The following ARSB variants were observed in gnomAD, a reference collection of about 807,000 sequenced individuals.
ARSB encodes arylsulfatase B.
ARSB carries 41 observed loss-of-function variants against 50.9 expected under a neutral mutation model. That is an observed-to-expected ratio of 0.81 (90% confidence interval 0.63 to 1.04). The LOEUF (loss-of-function observed/expected upper bound fraction) is 1.04. ARSB is among the 50% of genes least tolerant of loss of function. ARSB has a pLI of 0.00. For missense variants in ARSB, 672 were observed against 693.3 expected (o/e 0.97, Z 0.35); for synonymous variants, 269 against 284.8 (o/e 0.94, Z 0.56).
intron 4 of ARSB, among the ~76,000 whole-genome samples, chr5:78,953,332 A>G (rs1228903308): frequency 6.6e-6 from 1 of 152,246 alleles, no homozygotes; most frequent in African/African-American, 2.4e-5. Context: ...TAGTGGAGCC[A>G]GGCTCTGCCT....
At chr5:78,886,439 G>T (rs1748039888) in intron 4 of ARSB, among the ~76,000 whole-genome samples, 1 of 152,108 alleles carries the variant, frequency 6.6e-6, no homozygotes, top group Admixed American at 6.5e-5. Context: ...AAATATAATT[G>T]TGAAAAAAAT....
At chr5:78,980,615 G>C (rs1752858390) in intron 1 of ARSB, among the ~76,000 whole-genome samples, 1 of 152,196 alleles carries the variant, frequency 6.6e-6, no homozygotes. Context: ...CTGCAGATCA[G>C]TGTGAAGAGT....
intron 5 of ARSB, among the ~76,000 whole-genome samples, chr5:78,855,200 G>C (rs531516473): frequency 6.6e-6 from 1 of 152,324 alleles, no homozygotes; most frequent in African/African-American, 2.4e-5. Flanking sequence ...ATTCAGCTCA[G>C]CCAGGGTACA....
intron 6 of ARSB, among the ~76,000 whole-genome samples, chr5:78,793,936 G>A (rs1220299139): frequency 1.3e-5 from 2 of 152,038 alleles, no homozygotes; most frequent in Non-Finnish European, 2.9e-5. Flanking sequence ...TGTGCTGGGG[G>A]CAGCATGGGA....
chr5:78,904,410 T>C (rs548119076), intron 4 of ARSB, among the ~76,000 whole-genome samples: 19 of 152,238 alleles, frequency 1.2e-4, no homozygotes, highest in African/African-American at 3.1e-4. Context: ...TTTCAGCAGT[T>C]CCATTATGAT....
chr5:78,891,665 C>T (rs1489474912), intron 4 of ARSB, among the ~76,000 whole-genome samples: 1 of 152,110 alleles, frequency 6.6e-6, no homozygotes, highest in Non-Finnish European at 1.5e-5. Flanking sequence ...CAAGTGACCA[C>T]CAGAGAGATG....
intron 4 of ARSB, among the ~76,000 whole-genome samples, chr5:78,897,920 A>T (rs1748641566): frequency 6.6e-6 from 1 of 152,160 alleles, no homozygotes; most frequent in Non-Finnish European, 1.5e-5. Context: ...TCAGGAAAAA[A>T]TAGATAACGT....
intron 6 of ARSB, 146 bp from the exon 7 acceptor site, chr5:78,782,120 T>A: frequency 1.9e-6 from 2 of 1,045,070 alleles, no homozygotes; most frequent in Non-Finnish European, 2.8e-6. Flanking sequence ...AATCTTTTAT[T>A]AAATCCAAAC....
chr5:78,872,736 A>G (rs1488818953), intron 5 of ARSB, among the ~76,000 whole-genome samples: 2 of 149,370 alleles, frequency 1.3e-5, no homozygotes, highest in African/African-American at 4.9e-5. Context: ...TAGTGGGTGC[A>G]GCGTACCAGC....
At chr5:78,804,174 T>A (rs1032512141) in intron 6 of ARSB, among the ~76,000 whole-genome samples, 1 of 151,890 alleles carries the variant, frequency 6.6e-6, no homozygotes, top group African/African-American at 2.4e-5. Flanking sequence ...CTCTCAGGAT[T>A]TGCAACTGCT....
intron 4 of ARSB, among the ~76,000 whole-genome samples, chr5:78,925,920 T>A (rs1750024263): frequency 6.6e-6 from 1 of 152,130 alleles, no homozygotes; most frequent in African/African-American, 2.4e-5. Flanking sequence ...ACAACCCTCT[T>A]TTTTGGAAAA....
At chr5:78,799,477 T>C (rs906373906) in intron 6 of ARSB, among the ~76,000 whole-genome samples, 1 of 152,234 alleles carries the variant, frequency 6.6e-6, no homozygotes, top group African/African-American at 2.4e-5. Context: ...TAGCCGAGTC[T>C]GGAGAGAGAC....
intron 6 of ARSB, among the ~76,000 whole-genome samples, chr5:78,822,595 C>T (rs920693055): frequency 6.6e-6 from 1 of 152,078 alleles, no homozygotes; most frequent in Non-Finnish European, 1.5e-5. Flanking sequence ...GCTAACTGAC[C>T]ATTATAACAA....
intron 5 of ARSB, among the ~76,000 whole-genome samples, chr5:78,870,385 C>G (rs1190736759): frequency 1.1e-3 from 111 of 97,934 alleles, no homozygotes; most frequent in African/African-American, 4.0e-3. Context: ...AGACCAATAT[C>G]CTTGATGAAC....
Position 78,778,281 on chromosome 5 carries a change from T to C in ARSB, c.*2116A>G, listed in dbSNP as rs1189870001. 1 of 152,216 alleles carries C rather than the reference T, an allele frequency of 6.6e-6. No homozygotes were observed. Among genetic ancestry groups the C allele is most frequent in the Non-Finnish European group, 1.5e-5 (1 of 68,044 alleles). 9.4% of individuals were successfully genotyped at this position (152,216 alleles called of 1,614,324 possible). On this transcript the variant is annotated 3_prime_UTR_variant, in exon 8 of 8. Transcript: ENST00000264914. ...GTCAGCTGTTTGCCAACCCAGGAGT[T>C]GGGTAAAGGTTGGTAAGAGATGTTA... is the stretch of plus-strand genomic sequence containing the variant.
chr5:78,798,590 T>C (rs113493877), intron 6 of ARSB, among the ~76,000 whole-genome samples: 2,362 of 152,244 alleles, frequency 0.016, 27 homozygotes, highest in Non-Finnish European at 0.021. Context: ...TCACCCTGTG[T>C]TGTACGGTTC....
chr5:78,806,942 C>G (rs554962777), intron 6 of ARSB, among the ~76,000 whole-genome samples: 1 of 152,212 alleles, frequency 6.6e-6, no homozygotes, highest in Non-Finnish European at 1.5e-5. Context: ...CTTACTCTTC[C>G]GCTCCCTGTC....
At chr5:78,862,207 T>C (rs1469395723) in intron 5 of ARSB, among the ~76,000 whole-genome samples, 1 of 152,194 alleles carries the variant, frequency 6.6e-6, no homozygotes, top group Non-Finnish European at 1.5e-5. Context: ...AATTTATACA[T>C]TCAGTGCCAT....
chr5:78,928,700 A>G (rs921269670), intron 4 of ARSB, among the ~76,000 whole-genome samples: 8 of 152,224 alleles, frequency 5.3e-5, no homozygotes, highest in Non-Finnish European at 8.8e-5. Context: ...TCAAAAGAAA[A>G]CAATGGAAAC....
Sources: gnomAD v4.1 joint callset for allele counts (sites outside exome capture counted in the v4.1 genomes callset) on GRCh38, gnomAD v4.1.1 for gene constraint, MANE v1.5 for transcripts, NCBI Gene and HGNC (gene_info 2026-07-23, HGNC 2026-07-21) for gene names.